Variants in FGFR1 observed in about 807,000 individuals in gnomAD.
FGFR1 encodes the protein FGFR1/PLAG1 fusion.
In FGFR1, 18 loss-of-function variants were observed where a neutral mutation model predicts 93.7. That is an observed-to-expected ratio of 0.19 (90% CI 0.13 to 0.28). The LOEUF (loss-of-function observed/expected upper bound fraction) is 0.28. Among genes scored for constraint, FGFR1 ranks in the 10% least tolerant of loss-of-function variants. FGFR1 has a pLI of 1.00. For synonymous variants in FGFR1, 448 were observed against 429.3 expected, an observed-to-expected ratio of 1.04 and a Z score of -0.54; for missense variants, 731 against 1,080.4, an observed-to-expected ratio of 0.68 and a Z score of 4.53.
intron 2 of FGFR1, among the ~76,000 whole-genome samples, chr8:38,455,859 AAC>A (rs1031899146): frequency 3.7e-4 from 57 of 152,180 alleles, no homozygotes; most frequent in Admixed American, 3.2e-3. Flanking sequence ...GGGTGGTTTA[AAC>A]ACAGTCTGTC....
At chr8:38,464,801 C>T (rs1265769779) in intron 1 of FGFR1, among the ~76,000 whole-genome samples, 2 of 152,200 alleles carry the variant, frequency 1.3e-5, no homozygotes, top group African/African-American at 4.8e-5. Flanking sequence ...CCAGCAGCAA[C>T]AGGCTCAAAC....
intron 1 of FGFR1, 23 bp from the exon 2 acceptor site, chr8:38,457,557 A>C (rs2151354785): frequency 1.9e-6 from 3 of 1,554,938 alleles, no homozygotes; most frequent in African/African-American, 1.4e-5. Flanking sequence ...AAAAAACCCC[A>C]AAAGTTAGGA....
At chr8:38,450,955 C>G (rs1239281618) in intron 2 of FGFR1, among the ~76,000 whole-genome samples, 2 of 152,156 alleles carry the variant, frequency 1.3e-5, no homozygotes, top group African/African-American at 4.8e-5. Flanking sequence ...TGGGTCCTCC[C>G]TGTCCAGCTC....
chr8:38,429,810 T>C lies in FGFR1; in HGVS notation c.230A>G (p.Asn77Ser), dbSNP rs752495999. The change falls in exon 3 of 18, where the codon AAC becomes AGC. Residue 77 changes from asparagine to serine, a missense_variant. Asn to Ser is a conservative substitution (Grantham distance 46). This residue lies in a region of FGFR1 where 212 missense variants were observed against 205.8 expected (regional missense o/e 1.03). Transcript: ENST00000447712. This position sits in a 1 kb window ranked among gnomAD's most constrained non-coding sequence, Gnocchi z 4.4. ...CTCCTCCCCTGTGATGCGGGTGCGG[T>C]TGCTTTCCGCCAGCTGCACCCCGTC... is the stretch of plus-strand genomic sequence containing the variant. Reference protein sequence around the residue: ...LRDGVQLAESNRTRITGEEVE... With the variant: ...LRDGVQLAESSRTRITGEEVE... The C allele has an allele frequency of 2.5e-6, 4 of 1,613,720 alleles. No individual in the cohort carries two copies. The highest frequency in any genetic ancestry group is 3.4e-6 in the Non-Finnish European group (4 of 1,179,862).
At chr8:38,462,915 T>TC (rs1389584696) in intron 1 of FGFR1, among the ~76,000 whole-genome samples, 2 of 145,780 alleles carry the variant, frequency 1.4e-5, no homozygotes, top group African/African-American at 5.1e-5. Context: ...TTTTTTTTTT[T>TC]TTTTTTTTAA....
chr8:38,415,016 C>T, intron 13 of FGFR1, 115 bp from the exon 14 acceptor site: 1 of 782,704 alleles, frequency 1.3e-6, no homozygotes, highest in Admixed American at 2.3e-5. Flanking sequence ...TGCCACACTG[C>T]TCTGCCCCCC....
At chr8:38,445,057 G>A (rs1279454224) in intron 2 of FGFR1, among the ~76,000 whole-genome samples, 1 of 152,052 alleles carries the variant, frequency 6.6e-6, no homozygotes, top group Non-Finnish European at 1.5e-5. Flanking sequence ...AAATGAGAAG[G>A]CTGACTGACC....
rs747542969 is a variant in FGFR1, at chr8:38,414,217, C to T, written c.2121G>A (p.Glu707=). The change falls in exon 16 of 18, where the codon GAG becomes GAA. Residue 707 remains glutamate, a synonymous_variant. Coordinates refer to ENST00000447712, the MANE Select transcript of FGFR1 (RefSeq NM_023110.3). The part of the protein sequence containing the change: ...GGSPYPGVPV[E]ELFKLLKEGH... ...CCTCCTTCAGCAGCTTGAAAAGTTC[C>T]TCCACAGGCACACCGGGGTATGGGG... The T allele has an allele frequency of 3.7e-6, 6 of 1,614,206 alleles. No homozygotes were observed. In the South Asian group the frequency reaches 5.5e-5, roughly 15 times the overall value.
chr8:38,428,092 G>C lies in FGFR1; in HGVS notation c.450C>G (p.Pro150=), dbSNP rs766091702. 6.2e-7 allele frequency: 1 copy of C among 1,614,076 alleles called. No individual in the cohort carries two copies. ...ETDNTKPNRM[P]VAPYWTSPEK... Reference sequence around the variant, plus strand: ...CTGGGGATGTCCAATATGGAGCTACGGCTGCCCGGGGAAAGCCAAGAGAGA... The same window carrying C: ...CTGGGGATGTCCAATATGGAGCTACCGCTGCCCGGGGAAAGCCAAGAGAGA... The change falls in exon 5 of 18, where the codon CCC becomes CCG. Residue 150 remains proline (P), a splice_region_variant and synonymous_variant. Transcript: ENST00000447712.
At chr8:38,451,734 A>G (rs1217470938) in intron 2 of FGFR1, among the ~76,000 whole-genome samples, 1 of 152,152 alleles carries the variant, frequency 6.6e-6, no homozygotes, top group East Asian at 1.9e-4. Context: ...TCTGAGCTGC[A>G]GGTTTTCTGA....
At chr8:38,465,327 T>A (rs983324629) in intron 1 of FGFR1, 6 of 232,648 alleles carry the variant, frequency 2.6e-5, no homozygotes, top group African/African-American at 1.3e-4. Context: ...TGAGCATTTC[T>A]GCAGGCATGT....
intron 13 of FGFR1, 137 bp downstream of exon 13, chr8:38,415,733 G>GAC: frequency 1.1e-6 from 1 of 902,716 alleles, no homozygotes; most frequent in Non-Finnish European, 1.8e-6. Flanking sequence ...GAGAGCCTAA[G>GAC]ACAACACACA....
chr8:38,434,553 G>C (rs1253815559), intron 2 of FGFR1: 1 of 292,814 alleles, frequency 3.4e-6, no homozygotes, highest in Non-Finnish European at 6.8e-6. Flanking sequence ...TTTTCTTATA[G>C]TGATTCTCAA....
rs1815196679 is a variant in FGFR1 at position 38,413,759 on chromosome 8, A to C, written c.2338T>G (p.Phe780Val). 2 of 1,614,100 alleles carry C rather than the reference A, an allele frequency of 1.2e-6. No individual in the cohort carries two copies. The highest frequency in any genetic ancestry group is 4.5e-5 in the East Asian group (2 of 44,864). The change falls in exon 18 of 18, where the codon TTT (phenylalanine) becomes GTT (valine). Residue 780 changes from phenylalanine (F) to valine (V), a missense_variant. Around this residue, in one of 10 missense-constraint regions of FGFR1, gnomAD observed 79 missense variants for 97.2 expected, o/e 0.81. Coordinates refer to ENST00000447712, the MANE Select transcript of FGFR1 (RefSeq NM_023110.3). The surrounding 1 kb of genome is among the most constrained non-coding windows in gnomAD (Gnocchi z 4.2). ...SMPLDQYSPS[F>V]PDTRSSTCSS... ...CACGTAGAGCTCCGGGTGTCGGGAA[A>C]GCTGGGGGAGTACTGGTCCAGGGGC... is the stretch of plus-strand genomic sequence containing the variant.
At chr8:38,463,613 A>T (rs1433881869) in intron 1 of FGFR1, among the ~76,000 whole-genome samples, 1 of 152,168 alleles carries the variant, frequency 6.6e-6, no homozygotes, top group Non-Finnish European at 1.5e-5. Flanking sequence ...AAGTGAATGA[A>T]GGAAAAAAAA....
chr8:38,445,060 G>T (rs1828857641), intron 2 of FGFR1, among the ~76,000 whole-genome samples: 1 of 152,114 alleles, frequency 6.6e-6, no homozygotes, highest in African/African-American at 2.4e-5. Context: ...TGAGAAGGCT[G>T]ACTGACCCTG....
chr8:38,460,169 T>C (rs1301837930), intron 1 of FGFR1, among the ~76,000 whole-genome samples: 3 of 151,936 alleles, frequency 2.0e-5, no homozygotes, highest in African/African-American at 7.3e-5. Context: ...GGTGACGGAG[T>C]GAGACTCTGT....
At chr8:38,455,122 T>G (rs1231451600) in intron 2 of FGFR1, among the ~76,000 whole-genome samples, 1 of 151,900 alleles carries the variant, frequency 6.6e-6, no homozygotes, top group Non-Finnish European at 1.5e-5. Flanking sequence ...ACTACAAGCA[T>G]GTGCCACCAC....
chr8:38,465,344 A>G (rs971167653), intron 1 of FGFR1: 2 of 232,638 alleles, frequency 8.6e-6, no homozygotes, highest in Non-Finnish European at 1.7e-5. Context: ...ATGTTTGGAA[A>G]AGCAGGCAGT....
Sources: gnomAD v4.1 joint callset for allele counts (sites outside exome capture counted in the v4.1 genomes callset) on GRCh38, gnomAD v4.1.1 for gene constraint, gnomAD v4.1.1 regional missense constraint, Gnocchi (gnomAD v3.1) non-coding constraint, MANE v1.5 for transcripts, NCBI Gene and HGNC (gene_info 2026-07-23, HGNC 2026-07-21) for gene names.